Variants in GPC6 observed in about 807,000 individuals in gnomAD.
The protein encoded by GPC6 is glypican-6.
A neutral mutation model predicts 55.2 loss-of-function variants in GPC6; 14 were observed. The observed-to-expected ratio is 0.25, with a 90% confidence interval of 0.17 to 0.40. The LOEUF (loss-of-function observed/expected upper bound fraction) is 0.40, where lower values mean the gene tolerates loss of function less well. Ranked by LOEUF, GPC6 falls within the 10% of genes least tolerant of loss-of-function variation. The pLI is 1.00. For synonymous variants in GPC6, 278 were observed against 259.6 expected, an observed-to-expected ratio of 1.07 and a Z score of -0.68; for missense variants, 641 against 708.5, an observed-to-expected ratio of 0.90 and a Z score of 1.08.
At chr13:94,225,532 A>T (rs951278799) in intron 4 of GPC6, among the ~76,000 whole-genome samples, 1 of 152,108 alleles carries the variant, frequency 6.6e-6, no homozygotes, top group African/African-American at 2.4e-5. Context: ...GTGCAAAAAA[A>T]TTTTGAAATC....
At chr13:93,412,763 A>T (rs1019127920) in intron 1 of GPC6, among the ~76,000 whole-genome samples, 7 of 152,150 alleles carry the variant, frequency 4.6e-5, no homozygotes, top group African/African-American at 1.7e-4. Context: ...AAACAAAATC[A>T]AGCATTATGT....
chr13:93,260,865 T>G (rs1302878735), intron 1 of GPC6, among the ~76,000 whole-genome samples: 1 of 152,124 alleles, frequency 6.6e-6, no homozygotes, highest in Non-Finnish European at 1.5e-5. Flanking sequence ...GTAGTCATCA[T>G]GATAAAAATT....
intron 3 of GPC6, among the ~76,000 whole-genome samples, chr13:93,936,130 T>G (rs1297095071): frequency 6.6e-6 from 1 of 152,226 alleles, no homozygotes; most frequent in Non-Finnish European, 1.5e-5. Context: ...GAGTGTTATA[T>G]TTGGATTGTA....
At chr13:93,422,909 G>C (rs1876976713) in intron 1 of GPC6, among the ~76,000 whole-genome samples, 1 of 152,140 alleles carries the variant, frequency 6.6e-6, no homozygotes, top group African/African-American at 2.4e-5. Flanking sequence ...GCCTTAAAAA[G>C]CACAGAGTAG....
At chr13:94,311,194 C>G (rs1035963730) in intron 6 of GPC6, among the ~76,000 whole-genome samples, 1 of 151,854 alleles carries the variant, frequency 6.6e-6, no homozygotes, top group Non-Finnish European at 1.5e-5. Flanking sequence ...CTGGTTTCCA[C>G]AATACCATTG....
At chr13:93,925,834 G>T (rs188163288) in intron 3 of GPC6, among the ~76,000 whole-genome samples, 1 of 152,276 alleles carries the variant, frequency 6.6e-6, no homozygotes, top group African/African-American at 2.4e-5. Flanking sequence ...CTGGCTGTTG[G>T]CTGAGTTCCT....
rs529336917 is a variant in GPC6, at chr13:93,712,228, T to TA, written c.320-117920dup. ...TATAATTTGCTCACCAAGTTGACAC[T>TA]AAAAAATATATGGAGTAATGCGCAA... On this transcript the variant is annotated intron_variant, in intron 2 of 8. Transcript: ENST00000377047. 4.0e-4 allele frequency among the ~76,000 whole-genome samples: 60 copies of TA among 151,836 alleles called. No homozygotes were observed. The East Asian group carries it at 0.011, about 27-fold the overall frequency.
chr13:93,525,878 G>T (rs1881627809), intron 1 of GPC6, among the ~76,000 whole-genome samples: 1 of 152,092 alleles, frequency 6.6e-6, no homozygotes, highest in South Asian at 2.1e-4. Context: ...AATGGTTTCA[G>T]CCCAGTGGCT....
intron 1 of GPC6, among the ~76,000 whole-genome samples, chr13:93,281,811 A>G (rs1267394998): frequency 6.6e-6 from 1 of 152,068 alleles, no homozygotes; most frequent in Non-Finnish European, 1.5e-5. Flanking sequence ...GTGAGACTCC[A>G]TCTCAAAAAA....
chr13:93,707,454 T>C (rs560718375), intron 2 of GPC6, among the ~76,000 whole-genome samples: 2 of 151,886 alleles, frequency 1.3e-5, no homozygotes, highest in East Asian at 3.9e-4. Context: ...AGATAGTGTT[T>C]CAAGAAAAAT....
chr13:94,371,869 T>A (rs1342477964), intron 6 of GPC6, among the ~76,000 whole-genome samples: 1 of 152,200 alleles, frequency 6.6e-6, no homozygotes, highest in African/African-American at 2.4e-5. Flanking sequence ...GTGAATCTCC[T>A]AAAAGCAAGG....
At chr13:93,399,939 T>C (rs1416932729) in intron 1 of GPC6, among the ~76,000 whole-genome samples, 1 of 152,206 alleles carries the variant, frequency 6.6e-6, no homozygotes, top group Non-Finnish European at 1.5e-5. Context: ...TTCAGGTGAC[T>C]TGAATACTGA....
chr13:93,794,775 C>A (rs1186944723), intron 2 of GPC6, among the ~76,000 whole-genome samples: 1 of 152,164 alleles, frequency 6.6e-6, no homozygotes, highest in African/African-American at 2.4e-5. Flanking sequence ...CAGATAAAAT[C>A]TGTTGTTTAA....
chr13:94,085,270 C>A (rs61004780), intron 4 of GPC6, among the ~76,000 whole-genome samples: 1,914 of 128,644 alleles, frequency 0.015, 52 homozygotes, highest in African/African-American at 0.053. Flanking sequence ...TGCAGTGAGC[C>A]GAGATCACGC....
chr13:93,932,619 A>G (rs770284292), intron 3 of GPC6, among the ~76,000 whole-genome samples: 5 of 152,188 alleles, frequency 3.3e-5, no homozygotes, highest in Non-Finnish European at 7.3e-5. Context: ...AATAAATGAA[A>G]CATCTCATGG....
Position 94,266,161 on chromosome 13 carries a change from TTTG to T in GPC6, c.878-20185_878-20183del, listed in dbSNP as rs1305295939. On this transcript the variant is annotated intron_variant, in intron 4 of 8. Coordinates refer to ENST00000377047, the MANE Select transcript of GPC6 (RefSeq NM_005708.5). The stretch of plus-strand genomic sequence containing the variant: ...CTTTACTTTTCTTTTCTTTTTTTTT[TTTG>T]TTTGTTTGTTTGTTTGTTTTTTGAG... Among the ~76,000 whole-genome samples the T allele has an allele frequency of 5.8e-3, 469 of 81,322 alleles. 3 individuals are homozygous for T. Among genetic ancestry groups the T allele is most frequent in the African/African-American group, 0.019 (436 of 22,970 alleles). The allele number at this position is 81,322 out of a possible 152,430, so 53.4% of individuals were successfully genotyped here.
intron 3 of GPC6, among the ~76,000 whole-genome samples, chr13:93,948,450 A>T (rs1302751566): frequency 6.6e-6 from 1 of 152,178 alleles, no homozygotes; most frequent in African/African-American, 2.4e-5. Context: ...GATTCATTTA[A>T]TCATGTTTCA....
chr13:93,541,334 T>C lies in GPC6; in HGVS notation c.161-3929T>C, dbSNP rs1412663576. Among the ~76,000 whole-genome samples the C allele has an allele frequency of 1.2e-3, 164 of 141,016 alleles. 2 individuals carry two copies. Among genetic ancestry groups the C allele is most frequent in the Admixed American group, 0.011 (149 of 13,926 alleles). The allele number at this position is 141,016 out of a possible 152,430, so 92.5% of individuals were successfully genotyped here. On this transcript the variant is annotated intron_variant, in intron 1 of 8. Transcript: ENST00000377047. ...GAATGATGATTTCCAATTTCATCCA[T>C]GTCCCTACAAAGGACATGAACTCAT...
intron 3 of GPC6, among the ~76,000 whole-genome samples, chr13:93,831,629 A>G (rs1351155851): frequency 3.3e-5 from 5 of 151,878 alleles, no homozygotes; most frequent in Non-Finnish European, 5.9e-5. Context: ...ACCCTTACAA[A>G]TGTTTCTCTA....
Sources: allele counts gnomAD v4.1 joint callset (sites outside exome capture counted in the v4.1 genomes callset), GRCh38; gene constraint gnomAD v4.1.1; transcripts MANE v1.5; gene names NCBI Gene and HGNC (gene_info 2026-07-23, HGNC 2026-07-21).